Variants in PTPRZ1 observed in about 807,000 individuals in gnomAD.
PTPRZ1 encodes the protein receptor-type tyrosine-protein phosphatase zeta.
A neutral mutation model predicts 214.1 loss-of-function variants in PTPRZ1; 82 were observed. The observed-to-expected ratio is 0.38, with a 90% confidence interval of 0.32 to 0.46. The LOEUF is 0.46. Ranked by LOEUF, PTPRZ1 falls within the 20% of genes least tolerant of loss-of-function variation. The pLI, the probability that PTPRZ1 is intolerant of heterozygous loss-of-function variation, is 1.00. For missense variants in PTPRZ1, 2,603 were observed against 2,748.7 expected, an observed-to-expected ratio of 0.95 and a Z score of 1.19; for synonymous variants, 945 against 987.9, an observed-to-expected ratio of 0.96 and a Z score of 0.81.
chr7:122,006,940 G>A (rs958617508), intron 11 of PTPRZ1, among the ~76,000 whole-genome samples: 43 of 152,068 alleles, frequency 2.8e-4, no homozygotes, highest in African/African-American at 9.9e-4. Context: ...AGGAGAAGGT[G>A]CAGAGAGAAT....
At chr7:121,979,864 GT>G (rs952561490) in intron 6 of PTPRZ1, among the ~76,000 whole-genome samples, 98 of 152,220 alleles carry the variant, frequency 6.4e-4, no homozygotes, top group African/African-American at 2.0e-3. Flanking sequence ...GGAAAACACT[GT>G]AGTGAAATTT....
intron 1 of PTPRZ1, among the ~76,000 whole-genome samples, chr7:121,876,223 C>A (rs1794054657): frequency 6.6e-6 from 1 of 152,138 alleles, no homozygotes; most frequent in African/African-American, 2.4e-5. Context: ...TCTTGACCCA[C>A]TGAACAGGTG....
At chr7:121,940,754 T>C (rs1796215494) in intron 2 of PTPRZ1, among the ~76,000 whole-genome samples, 3 of 151,980 alleles carry the variant, frequency 2.0e-5, no homozygotes. Context: ...CACGCAATTA[T>C]CTTTCAATAG....
rs1189934402 is a variant in PTPRZ1, at chr7:122,054,027, G to A, written c.6370G>A (p.Gly2124Ser). Reference protein sequence around the residue: ...NAQLVVMIPDGQNMAEDEFVY... With the variant: ...NAQLVVMIPDSQNMAEDEFVY... ...CCAACTGGTGGTTATGATTCCTGAT[G>A]GCCAAAACATGGTAAGTCCCTTAGA... The change falls in exon 26 of 30, where the codon GGC becomes AGC. Residue 2124 changes from glycine (G) to serine (S), a missense_variant. Coordinates refer to ENST00000393386, the MANE Select transcript of PTPRZ1 (RefSeq NM_002851.3). The A allele has an allele frequency of 3.7e-6, 6 of 1,612,822 alleles. No homozygotes were observed. The highest frequency in any genetic ancestry group is 1.1e-5 in the South Asian group (1 of 91,022).
At chr7:122,047,202 G>A (rs1026889023) in intron 23 of PTPRZ1, among the ~76,000 whole-genome samples, 1 of 152,180 alleles carries the variant, frequency 6.6e-6, no homozygotes, top group African/African-American at 2.4e-5. Flanking sequence ...GAAAAGTATA[G>A]CATTGACACC....
At chr7:121,935,608 A>C (rs931203542) in intron 2 of PTPRZ1, among the ~76,000 whole-genome samples, 1 of 151,860 alleles carries the variant, frequency 6.6e-6, no homozygotes, top group African/African-American at 2.4e-5. Context: ...TCAGTCGCCC[A>C]GGCTGGAGTG....
chr7:122,052,228 A>C (rs1213282340), intron 25 of PTPRZ1, among the ~76,000 whole-genome samples: 1 of 152,174 alleles, frequency 6.6e-6, no homozygotes, highest in African/African-American at 2.4e-5. Context: ...CTTATCTAAA[A>C]GGCTTTATTT....
At chr7:121,885,503 T>G (rs1338481840) in intron 1 of PTPRZ1, among the ~76,000 whole-genome samples, 1 of 152,208 alleles carries the variant, frequency 6.6e-6, no homozygotes, top group African/African-American at 2.4e-5. Flanking sequence ...ACAGCACATC[T>G]GGGCACCGTC....
Position 121,916,251 on chromosome 7 carries a change from C to T in PTPRZ1, c.59-11905C>T, listed in dbSNP as rs151089382. Reference sequence around the variant, plus strand: ...ATCGTGCCACTGCACTCCTGACTGGCGACAGAGTGGGACTCCATCTCAAAA... The same window carrying T: ...ATCGTGCCACTGCACTCCTGACTGGTGACAGAGTGGGACTCCATCTCAAAA... On this transcript the variant is annotated intron_variant, in intron 1 of 29. Coordinates refer to ENST00000393386, the MANE Select transcript of PTPRZ1 (RefSeq NM_002851.3). 1.9e-3 allele frequency among the ~76,000 whole-genome samples: 265 copies of T among 139,316 alleles called. 5 individuals are homozygous for T. In the East Asian group the frequency reaches 0.042, roughly 22 times the overall value. 91.4% of individuals were successfully genotyped at this position (139,316 alleles called of 152,430 possible).
At chr7:122,003,796 G>A (rs941122281) in intron 10 of PTPRZ1, among the ~76,000 whole-genome samples, 1 of 152,168 alleles carries the variant, frequency 6.6e-6, no homozygotes, top group African/African-American at 2.4e-5. Context: ...CAGTAACGTG[G>A]TAGAGTGGCT....
At chr7:121,878,064 AG>A (rs1794116804) in intron 1 of PTPRZ1, among the ~76,000 whole-genome samples, 1 of 152,024 alleles carries the variant, frequency 6.6e-6, no homozygotes, top group Non-Finnish European at 1.5e-5. Context: ...AGATTACAAA[AG>A]GAAACCAATT....
chr7:121,924,254 G>A (rs752281928), intron 1 of PTPRZ1, among the ~76,000 whole-genome samples: 8 of 152,068 alleles, frequency 5.3e-5, no homozygotes, highest in South Asian at 2.1e-4. Flanking sequence ...CCTAAAATGC[G>A]TAAGCACTTT....
intron 4 of PTPRZ1, among the ~76,000 whole-genome samples, chr7:121,974,612 C>CGAGTTG (rs960633109): frequency 6.6e-6 from 1 of 152,082 alleles, no homozygotes; most frequent in African/African-American, 2.4e-5. Context: ...CTCAGCCTCT[C>CGAGTTG]GAGTTGCTGG....
chr7:121,997,963 A>G lies in PTPRZ1; in HGVS notation c.1197A>G (p.Lys399=). The G allele has an allele frequency of 4.3e-6, 7 of 1,613,472 alleles. No homozygotes were observed. Among genetic ancestry groups the G allele is most frequent in the Non-Finnish European group, 5.9e-6 (7 of 1,179,708 alleles). ...VAICTNGLYG[K]YSDQLIVDMP... The stretch of plus-strand genomic sequence containing the variant: ...TATGCACTAATGGCTTATATGGAAA[A>G]TACAGCGACCAACTGATTGTCGACA... The change falls in exon 10 of 30, where the codon AAA becomes AAG. Residue 399 remains lysine (K), a synonymous_variant. Coordinates refer to ENST00000393386, the MANE Select transcript of PTPRZ1 (RefSeq NM_002851.3).
intron 12 of PTPRZ1, among the ~76,000 whole-genome samples, chr7:122,016,467 G>T (rs571536053): frequency 6.6e-6 from 1 of 152,008 alleles, no homozygotes; most frequent in African/African-American, 2.4e-5. Flanking sequence ...CCAACTGATT[G>T]TCTGTGCTTT....
intron 1 of PTPRZ1, among the ~76,000 whole-genome samples, chr7:121,915,819 T>G (rs192484194): frequency 5.3e-5 from 8 of 152,034 alleles, no homozygotes; most frequent in African/African-American, 1.9e-4. Context: ...CAGGTTACAT[T>G]TCAATATCTT....
chr7:121,952,860 T>C (rs13225749), intron 2 of PTPRZ1, among the ~76,000 whole-genome samples: 9,504 of 152,246 alleles, frequency 0.062, 354 homozygotes, highest in Non-Finnish European at 0.089. Flanking sequence ...TAAATTGCCA[T>C]GTACCAGAAT....
At chr7:122,017,054 T>C (rs2116677109) in intron 12 of PTPRZ1, among the ~76,000 whole-genome samples, 1 of 152,194 alleles carries the variant, frequency 6.6e-6, no homozygotes, top group East Asian at 1.9e-4. Flanking sequence ...GTCAAGAAAA[T>C]CTGATATAGA....
intron 8 of PTPRZ1, 34 bp downstream of exon 8, chr7:121,984,151 A>T: frequency 1.3e-6 from 2 of 1,584,112 alleles, no homozygotes; most frequent in Non-Finnish European, 1.7e-6. Context: ...TACAACTCTC[A>T]TAGATGCAGT....
Sources: gnomAD v4.1 joint callset for allele counts (sites outside exome capture counted in the v4.1 genomes callset) on GRCh38, gnomAD v4.1.1 for gene constraint, MANE v1.5 for transcripts, NCBI Gene and HGNC (gene_info 2026-07-23, HGNC 2026-07-21) for gene names.